The following STK24 variants were observed in gnomAD, a reference collection of about 807,000 sequenced individuals.
The protein encoded by STK24 is serine/threonine kinase 24, also known as serine/threonine-protein kinase 24.
In STK24, 21 loss-of-function variants were observed where a neutral mutation model predicts 55.6. The observed-to-expected ratio is 0.38, with a 90% confidence interval of 0.27 to 0.54. The LOEUF (loss-of-function observed/expected upper bound fraction) is 0.54, where lower values mean the gene tolerates loss of function less well. Ranked by LOEUF, STK24 falls within the 20% of genes least tolerant of loss-of-function variation. The pLI, the probability that STK24 is intolerant of heterozygous loss-of-function variation, is 0.79. For missense variants in STK24, 383 were observed against 538.4 expected, an observed-to-expected ratio of 0.71 and a Z score of 2.86; for synonymous variants, 200 against 215.2, an observed-to-expected ratio of 0.93 and a Z score of 0.62.
chr13:98,494,866 G>C (rs1470697186), intron 2 of STK24, among the ~76,000 whole-genome samples: 4 of 152,188 alleles, frequency 2.6e-5, no homozygotes, highest in Non-Finnish European at 5.9e-5. Context: ...CAAACACCCA[G>C]CTAAAGGCCC....
chr13:98,563,526 A>G lies in STK24; in HGVS notation c.42+13219T>C. ...TGTGGTCAATCCCCTAAGTCTGTAT[A>G]ATGTGCTGTTTACCCTTGTATTTTA... On this transcript the variant is annotated intron_variant, in intron 1 of 10. Coordinates refer to ENST00000539966, the MANE Select transcript of STK24 (RefSeq NM_001032296.4). 1.3e-5 allele frequency among the ~76,000 whole-genome samples: 2 copies of G among 152,162 alleles called. 1 individual carries two copies. Among genetic ancestry groups the G allele is most frequent in the South Asian group, 4.1e-4 (2 of 4,826 alleles).
In STK24 at chr13:98,460,409, T is replaced by C. The variant is rs763707852; in HGVS notation, c.1085A>G (p.Gln362Arg). 1.9e-5 allele frequency: 30 copies of C among 1,613,220 alleles called. No individual in the cohort carries two copies. The highest frequency in any genetic ancestry group is 3.3e-4 in the Middle Eastern group (2 of 6,076). ...AGGAGAAATAATTGTAGATAAACAC[T>C]GAGAGAAAGGCCTCTTCGGGATGTC... Reference protein sequence around the residue: ...MKDIPKRPFSQCLSTIISPLF... With the variant: ...MKDIPKRPFSRCLSTIISPLF... The change falls in exon 9 of 11, where the codon CAG becomes CGG. Residue 362 changes from glutamine (Q) to arginine (R), a missense_variant. Coordinates refer to ENST00000539966, the MANE Select transcript of STK24 (RefSeq NM_001032296.4).
chr13:98,538,350 T>C (rs543836724), intron 1 of STK24, among the ~76,000 whole-genome samples: 1 of 150,018 alleles, frequency 6.7e-6, no homozygotes, highest in South Asian at 2.1e-4. Flanking sequence ...TCAGCTTCCC[T>C]GGTAGCTGGG....
chr13:98,559,863 C>G (rs1321965340), intron 1 of STK24, among the ~76,000 whole-genome samples: 1 of 151,592 alleles, frequency 6.6e-6, no homozygotes, highest in East Asian at 1.9e-4. Context: ...AAAAAAAAGC[C>G]AGGCACTGTG....
chr13:98,484,263 G>C lies in STK24; in HGVS notation c.274-1942C>G, dbSNP rs527529039. Among the ~76,000 whole-genome samples the C allele has an allele frequency of 1.4e-4, 22 of 152,306 alleles. No individual in the cohort carries two copies. The East Asian group carries it at 4.1e-3, about 28-fold the overall frequency. On this transcript the variant is annotated intron_variant, in intron 2 of 10. Transcript: ENST00000539966. ...AGTAAGCTCTTCCAGGAAAACACCA[G>C]TATCTTTCTAGATGGCAAAGGAAAT...
intron 1 of STK24, among the ~76,000 whole-genome samples, chr13:98,571,393 T>C (rs1897735515): frequency 6.6e-6 from 1 of 152,164 alleles, no homozygotes; most frequent in Non-Finnish European, 1.5e-5. Flanking sequence ...TGCCCATAAC[T>C]GCTCAGCACA....
chr13:98,500,098 T>C (rs1895393935), intron 2 of STK24, among the ~76,000 whole-genome samples: 2 of 152,214 alleles, frequency 1.3e-5, no homozygotes, highest in Admixed American at 6.5e-5. Context: ...ACTGCATCAC[T>C]CAGAGAGCTA....
Position 98,453,206 on chromosome 13 carries a change from G to C in STK24, c.1263C>G (p.Tyr421Ter). ...ATGAAGTTCCTCCACCACTTAGAGA[G>C]TATCTAGGGAAAAAGAGAGAGAGAG... is the stretch of plus-strand genomic sequence containing the variant. ...VAQLVQRLQR[Y>*]SLSGGGTSSH Residue 421 changes from tyrosine (Y) to a stop codon, truncating the protein, a stop_gained, in exon 11 of 11, where the codon TAC becomes TAG. Transcript: ENST00000539966. LOFTEE classifies it high-confidence loss of function. 1 of 1,613,150 alleles carries C rather than the reference G, an allele frequency of 6.2e-7. No homozygotes were observed. Among genetic ancestry groups the C allele is most frequent in the East Asian group, 2.2e-5 (1 of 44,828 alleles).
rs749935799 is a variant in STK24 at position 98,519,216 on chromosome 13, GGAGAAGCAC to G, written c.273+18_273+26del. The stretch of plus-strand genomic sequence containing the variant: ...GCACCTCAGCCAAGTGCTGCAGAAC[GGAGAAGCAC>G]GTTATTTTAAGCCTTACCTTCAGAT... On this transcript the variant is annotated intron_variant, in intron 2 of 10. Coordinates refer to ENST00000539966, the MANE Select transcript of STK24 (RefSeq NM_001032296.4). The G allele has an allele frequency of 6.8e-5, 108 of 1,588,588 alleles. No homozygotes were observed. The highest frequency in any genetic ancestry group is 8.7e-5 in the Non-Finnish European group (101 of 1,157,796).
At chr13:98,567,739 C>T (rs1390638258) in intron 1 of STK24, among the ~76,000 whole-genome samples, 1 of 152,084 alleles carries the variant, frequency 6.6e-6, no homozygotes, top group Non-Finnish European at 1.5e-5. Context: ...CCTCACCTGC[C>T]TGGCCCTGTC....
intron 5 of STK24, among the ~76,000 whole-genome samples, chr13:98,472,353 G>C (rs775666106): frequency 2.0e-5 from 3 of 152,198 alleles, no homozygotes; most frequent in Non-Finnish European, 4.4e-5. Flanking sequence ...CTGGAACTCT[G>C]AAGGGAGGAC....
intron 1 of STK24, among the ~76,000 whole-genome samples, chr13:98,554,922 C>T (rs991298171): frequency 1.4e-5 from 2 of 143,694 alleles, no homozygotes; most frequent in South Asian, 2.2e-4. Flanking sequence ...GGCTGAGGCA[C>T]GAGAATCACT....
chr13:98,514,267 T>C (rs1895981885), intron 2 of STK24, among the ~76,000 whole-genome samples: 1 of 152,234 alleles, frequency 6.6e-6, no homozygotes, highest in Non-Finnish European at 1.5e-5. Flanking sequence ...ATGGAGACGC[T>C]GGCCACTTCT....
intron 1 of STK24, among the ~76,000 whole-genome samples, chr13:98,562,612 T>TTA (rs1437181659): frequency 5.9e-5 from 9 of 152,116 alleles, no homozygotes; most frequent in Non-Finnish European, 1.2e-4. Flanking sequence ...ACTGAGGTGT[T>TTA]TATCACTTTA....
At chr13:98,575,974 G>A (rs1897878499) in intron 1 of STK24, 2 of 960,424 alleles carry the variant, frequency 2.1e-6, no homozygotes, top group Non-Finnish European at 1.2e-6. Context: ...GTCACTGGTA[G>A]GCCAAGGTGT....
rs1893186086 is a variant in STK24 at position 98,451,386 on chromosome 13, G to C, written c.*1787C>G. The C allele has an allele frequency of 6.6e-6, 1 of 152,120 alleles. No individual in the cohort carries two copies. The highest frequency in any genetic ancestry group is 1.5e-5 in the Non-Finnish European group (1 of 68,038). The allele number at this position is 152,120 out of a possible 1,614,324, so 9.4% of individuals were successfully genotyped here. A position where few individuals can be genotyped will look rare whatever the true frequency, so the allele number is the denominator to read the frequency against. ...TTTTATTATTCAACATAACATTCTT[G>C]TATGGAGTAATGAGTACAATAAGAA... On this transcript the variant is annotated 3_prime_UTR_variant, in exon 11 of 11. Transcript: ENST00000539966.
chr13:98,522,555 C>G (rs1896301657), intron 1 of STK24, among the ~76,000 whole-genome samples: 1 of 152,212 alleles, frequency 6.6e-6, no homozygotes, highest in Admixed American at 6.5e-5. Context: ...CAGGAACCCC[C>G]CAGACCAGCT....
rs532246186 is a variant in STK24 at position 98,516,697 on chromosome 13, G to A, written c.273+2546C>T. On this transcript the variant is annotated intron_variant, in intron 2 of 10. Coordinates refer to ENST00000539966, the MANE Select transcript of STK24 (RefSeq NM_001032296.4). ...GCAGCTGAGCACAGCCACTTGTCAA[G>A]ATGAAGGAACAATAAGATAAAAGGA... Among the ~76,000 whole-genome samples the A allele has an allele frequency of 3.3e-4, 48 of 145,672 alleles. No homozygotes were observed. The South Asian group carries it at 9.5e-3, about 29-fold the overall frequency.
chr13:98,473,792 C>A (rs529023062), intron 5 of STK24, among the ~76,000 whole-genome samples: 1 of 152,256 alleles, frequency 6.6e-6, no homozygotes, highest in Non-Finnish European at 1.5e-5. Flanking sequence ...GAACCAGGTA[C>A]GCCTGCAACT....
Sources: allele counts gnomAD v4.1 joint callset (sites outside exome capture counted in the v4.1 genomes callset), GRCh38; gene constraint gnomAD v4.1.1; transcripts MANE v1.5; gene names NCBI Gene and HGNC (gene_info 2026-07-23, HGNC 2026-07-21).